Variants in CDK7 observed in about 807,000 individuals in gnomAD.
CDK7 encodes cyclin dependent kinase 7.
CDK7 carries 25 observed loss-of-function variants against 49.1 expected under a neutral mutation model. The ratio of observed to expected loss-of-function variants is 0.51; its 90% CI spans 0.37 to 0.71. The LOEUF (loss-of-function observed/expected upper bound fraction) is 0.71. CDK7 is among the 30% of genes least tolerant of loss of function. The probability of loss-of-function intolerance (pLI) is 0.00; values close to 1 mark genes in which losing one functional copy is unlikely to be tolerated. For synonymous variants in CDK7, 107 were observed against 140.0 expected (o/e 0.76, Z 1.67); for missense variants, 316 against 411.7 (o/e 0.77, Z 2.01).
In CDK7 at chr5:69,234,933, GGA is replaced by G; in HGVS notation, c.-41_-40del. 6.4e-7 allele frequency: 1 copy of G among 1,557,482 alleles called. No homozygotes were observed. The highest frequency in any genetic ancestry group is 8.7e-7 in the Non-Finnish European group (1 of 1,146,956). On this transcript the variant is annotated 5_prime_UTR_variant, in exon 1 of 12. Coordinates refer to ENST00000256443, the MANE Select transcript of CDK7 (RefSeq NM_001799.4). ...GTAGCTTTAAATTCGTGTTGTCCTG[GGA>G]GCTCGCCCTTTTCGGCTGGAGTCGG...
At position 69,262,062 on chromosome 5, in the gene CDK7, T is replaced by C. The variant is rs961753325; in HGVS notation, c.528-143T>C. ...ACTGCAAGAGTATTATATTTAAAAC[T>C]TCATGAAAGAGTATGGTATCTAGTC... On this transcript the variant is annotated intron_variant, in intron 7 of 11. Coordinates refer to ENST00000256443, the MANE Select transcript of CDK7 (RefSeq NM_001799.4). 2.3e-5 allele frequency: 21 copies of C among 926,228 alleles called. No individual in the cohort carries two copies. In the African/African-American group the frequency reaches 2.7e-4, roughly 12 times the overall value. 57.4% of individuals were successfully genotyped at this position (926,228 alleles called of 1,614,324 possible).
chr5:69,277,096 T>C lies in CDK7; in HGVS notation c.1013-11T>C, dbSNP rs1752234680. Reference sequence around the variant, plus strand: ...ACAACTTTTTTTTTTCTTGTTCTTTTTGCTTCCTAGGAGGATTGCCCAAGA... The same window carrying C: ...ACAACTTTTTTTTTTCTTGTTCTTTCTGCTTCCTAGGAGGATTGCCCAAGA... On this transcript the variant is annotated splice_polypyrimidine_tract_variant and intron_variant, in intron 11 of 11. Coordinates refer to ENST00000256443, the MANE Select transcript of CDK7 (RefSeq NM_001799.4). The C allele has an allele frequency of 6.3e-7, 1 of 1,588,770 alleles. No homozygotes were observed. Among genetic ancestry groups the C allele is most frequent in the Non-Finnish European group, 8.6e-7 (1 of 1,169,452 alleles).
intron 7 of CDK7, among the ~76,000 whole-genome samples, chr5:69,260,720 T>A (rs2150213905): frequency 6.6e-6 from 1 of 152,342 alleles, no homozygotes; most frequent in Admixed American, 6.5e-5. Flanking sequence ...AAAATCACAT[T>A]AAATAGGAAT....
chr5:69,273,939 A>T (rs1751838799), intron 10 of CDK7, among the ~76,000 whole-genome samples: 1 of 152,154 alleles, frequency 6.6e-6, no homozygotes, highest in South Asian at 2.1e-4. Flanking sequence ...AGGTAGGTAT[A>T]TGCTGGGTAT....
chr5:69,262,133 C>A, intron 7 of CDK7, 72 bp from the exon 8 acceptor site: 1 of 1,582,750 alleles, frequency 6.3e-7, no homozygotes, highest in South Asian at 1.1e-5. Flanking sequence ...AGACAAGGAT[C>A]GTTCATCCCT....
At position 69,252,417 on chromosome 5, in the gene CDK7, G is replaced by C; in HGVS notation, c.127-1G>C. The C allele has an allele frequency of 6.5e-7, 1 of 1,530,762 alleles. No homozygotes were observed. The highest frequency in any genetic ancestry group is 8.8e-7 in the Non-Finnish European group (1 of 1,130,958). 94.8% of individuals were successfully genotyped at this position (1,530,762 alleles called of 1,614,324 possible). A position where few individuals can be genotyped will look rare whatever the true frequency, so the allele number is the denominator to read the frequency against. On this transcript the variant is annotated splice_acceptor_variant, in intron 2 of 11. Transcript: ENST00000256443. LOFTEE classifies it high-confidence loss of function. The stretch of plus-strand genomic sequence containing the variant: ...TTTGGGTTTTTTTCCGTTTCTACCA[G>C]ATCAAACTTGGACATAGATCAGAAG...
At chr5:69,251,167 G>A (rs568341200) in intron 2 of CDK7, among the ~76,000 whole-genome samples, 6 of 148,982 alleles carry the variant, frequency 4.0e-5, no homozygotes, top group South Asian at 4.2e-4. Flanking sequence ...GCACGATCTC[G>A]GCTCACTGCA....
At chr5:69,254,538 A>G in intron 3 of CDK7, 64 bp from the exon 4 acceptor site, 1 of 810,410 alleles carries the variant, frequency 1.2e-6, no homozygotes, top group Non-Finnish European at 2.1e-6. Flanking sequence ...AAAAAAAAAA[A>G]AGAAGTGTTT....
At chr5:69,246,708 G>GT (rs746391556) in intron 2 of CDK7, among the ~76,000 whole-genome samples, 24,938 of 141,312 alleles carry the variant, frequency 0.18, 3,311 homozygotes, top group African/African-American at 0.37. Flanking sequence ...TTTGTTTTTG[G>GT]TTTTTTTTTT....
At chr5:69,254,049 G>C (rs147670680) in intron 3 of CDK7, among the ~76,000 whole-genome samples, 1 of 152,154 alleles carries the variant, frequency 6.6e-6, no homozygotes, top group East Asian at 1.9e-4. Flanking sequence ...GCTGTGAGCC[G>C]AGATCATGCC....
At chr5:69,238,695 C>G (rs180695537) in intron 2 of CDK7, among the ~76,000 whole-genome samples, 63 of 148,770 alleles carry the variant, frequency 4.2e-4, no homozygotes, top group African/African-American at 1.5e-3. Flanking sequence ...CCCACTCTGT[C>G]GCACAGGCTG....
intron 2 of CDK7, among the ~76,000 whole-genome samples, chr5:69,246,953 A>G (rs962196057): frequency 2.6e-5 from 4 of 152,212 alleles, no homozygotes; most frequent in Non-Finnish European, 4.4e-5. Flanking sequence ...CATTGTGGTC[A>G]GAAAAGATAT....
In CDK7 at chr5:69,269,306, G is replaced by C. The variant is rs748678370; in HGVS notation, c.714+13G>C. ...GGAACAGTGGCCGGTAAGCCTTTAT[G>C]CATTTTCTTTGAAATGTAATTAGGA... is the stretch of plus-strand genomic sequence containing the variant. On this transcript the variant is annotated intron_variant, in intron 9 of 11. Coordinates refer to ENST00000256443, the MANE Select transcript of CDK7 (RefSeq NM_001799.4). 1 of 1,583,188 alleles carries C rather than the reference G, an allele frequency of 6.3e-7. No individual in the cohort carries two copies. Among genetic ancestry groups the C allele is most frequent in the Non-Finnish European group, 8.6e-7 (1 of 1,160,604 alleles).
At chr5:69,275,173 A>C (rs1237039328) in intron 10 of CDK7, among the ~76,000 whole-genome samples, 3 of 152,054 alleles carry the variant, frequency 2.0e-5, no homozygotes, top group African/African-American at 7.2e-5. Flanking sequence ...TATCTACAGC[A>C]CTATAGTAGG....
chr5:69,265,622 C>A (rs1393241702), intron 8 of CDK7, among the ~76,000 whole-genome samples: 1 of 152,046 alleles, frequency 6.6e-6, no homozygotes, highest in Non-Finnish European at 1.5e-5. Context: ...CAGAAATTTA[C>A]ATCTAGGCCA....
chr5:69,273,099 T>C (rs1751734552), intron 10 of CDK7, 58 bp downstream of exon 10: 3 of 1,161,140 alleles, frequency 2.6e-6, no homozygotes, highest in East Asian at 2.6e-5. Context: ...AACTGTAGCA[T>C]TGATAAAAAT....
chr5:69,270,139 A>T (rs1252582409), intron 9 of CDK7, among the ~76,000 whole-genome samples: 1 of 151,556 alleles, frequency 6.6e-6, no homozygotes, highest in African/African-American at 2.4e-5. Context: ...TATATAATTC[A>T]CAATTATATA....
chr5:69,259,918 C>T lies in CDK7; in HGVS notation c.509C>T (p.Thr170Ile). The T allele has an allele frequency of 6.2e-7, 1 of 1,609,330 alleles. No homozygotes were observed. The highest frequency in any genetic ancestry group is 8.5e-7 in the Non-Finnish European group (1 of 1,175,728). ...TTTGGGAGCCCCAATAGAGCTTATA[C>T]ACATCAGGTTGTAACCAGGTAAGAA... ...KSFGSPNRAYTHQVVTRWYRA... is the reference protein window; with the variant it reads ...KSFGSPNRAYIHQVVTRWYRA... Residue 170 changes from threonine to isoleucine, a missense_variant, in exon 7 of 12, where the codon ACA (threonine) becomes ATA (isoleucine). Transcript: ENST00000256443.
intron 10 of CDK7, 106 bp from the exon 11 acceptor site, chr5:69,276,437 A>G (rs1427023644): frequency 2.1e-6 from 2 of 934,868 alleles, no homozygotes; most frequent in African/African-American, 1.7e-5. Context: ...GAATGAGGGC[A>G]TTCACATAGT....
Sources: allele counts gnomAD v4.1 joint callset (sites outside exome capture counted in the v4.1 genomes callset), GRCh38; gene constraint gnomAD v4.1.1; transcripts MANE v1.5; gene names NCBI Gene and HGNC (gene_info 2026-07-23, HGNC 2026-07-21).